SEMA3A: variants seen among roughly 807,000 people sequenced by gnomAD.
The protein encoded by SEMA3A is semaphorin 3A.
A neutral mutation model predicts 97.9 loss-of-function variants in SEMA3A; 29 were observed. The observed-to-expected ratio is 0.30, with a 90% CI of 0.22 to 0.40. The LOEUF is 0.40. Among genes scored for constraint, SEMA3A ranks in the 10% least tolerant of loss-of-function variants. The pLI is 1.00. For synonymous variants in SEMA3A, 321 were observed against 323.7 expected (o/e 0.99, Z 0.09); for missense variants, 763 against 951.3 (o/e 0.80, Z 2.60).
intron 3 of SEMA3A, among the ~76,000 whole-genome samples, chr7:84,232,053 T>C (rs1799127780): frequency 6.6e-6 from 1 of 151,388 alleles, no homozygotes; most frequent in African/African-American, 2.4e-5. Context: ...TGTGTGTGTG[T>C]TCATATATAT....
intron 1 of SEMA3A, among the ~76,000 whole-genome samples, chr7:84,192,710 A>G (rs567598989): frequency 6.6e-6 from 1 of 152,078 alleles, no homozygotes; most frequent in East Asian, 1.9e-4. Flanking sequence ...TTCTTGCAAA[A>G]TAAAAAAGTT....
At chr7:84,360,925 C>A (rs1052248011) in intron 2 of SEMA3A, among the ~76,000 whole-genome samples, 3 of 151,864 alleles carry the variant, frequency 2.0e-5, no homozygotes, top group Non-Finnish European at 4.4e-5. Flanking sequence ...AAACAACACT[C>A]TACAAATCTA....
intron 1 of SEMA3A, among the ~76,000 whole-genome samples, chr7:84,405,708 G>T (rs556743231): frequency 4.5e-4 from 69 of 152,284 alleles, no homozygotes; most frequent in Admixed American, 3.1e-3. Flanking sequence ...TCAGACCACA[G>T]TGCAATCAAA....
In SEMA3A at chr7:84,453,361, C is replaced by G. The variant is rs1431291043; in HGVS notation, c.-246+39099G>C. Among the ~76,000 whole-genome samples, 5 of 151,674 alleles carry G rather than the reference C, an allele frequency of 3.3e-5. No homozygotes were observed. The East Asian group carries it at 9.7e-4, about 30-fold the overall frequency. Reference sequence around the variant, plus strand: ...ACGCCATTCTCCTGCCTCAGCCTCCCGAGTAGCTGGGACTACAGGCGCCCG... The same window carrying G: ...ACGCCATTCTCCTGCCTCAGCCTCCGGAGTAGCTGGGACTACAGGCGCCCG... On this transcript the variant is annotated intron_variant, in intron 1 of 3. Transcript: ENST00000424555.
At chr7:84,016,053 A>G (rs2116426203) in intron 6 of SEMA3A, among the ~76,000 whole-genome samples, 1 of 152,182 alleles carries the variant, frequency 6.6e-6, no homozygotes, top group East Asian at 1.9e-4. Flanking sequence ...CTACTTGTTC[A>G]CATTCATATA....
chr7:84,031,676 A>G (rs1380978079), intron 6 of SEMA3A, among the ~76,000 whole-genome samples: 1 of 152,008 alleles, frequency 6.6e-6, no homozygotes, highest in Admixed American at 6.5e-5. Context: ...TCTACTAAAA[A>G]TACAAAAAAA....
At chr7:84,328,057 C>T (rs1177589522) in intron 2 of SEMA3A, among the ~76,000 whole-genome samples, 1 of 151,962 alleles carries the variant, frequency 6.6e-6, no homozygotes, top group Non-Finnish European at 1.5e-5. Context: ...TTTATAAGTG[C>T]TTCCATTTAC....
intron 1 of SEMA3A, among the ~76,000 whole-genome samples, chr7:84,439,620 G>T (rs950556409): frequency 5.3e-5 from 8 of 152,266 alleles, no homozygotes; most frequent in African/African-American, 1.4e-4. Context: ...ACTGTCAAAG[G>T]TTAGCCACCC....
At chr7:84,209,988 T>A (rs565617798) in intron 3 of SEMA3A, among the ~76,000 whole-genome samples, 1 of 152,158 alleles carries the variant, frequency 6.6e-6, no homozygotes, top group Non-Finnish European at 1.5e-5. Context: ...CCTAAGGGGA[T>A]CATTAGAGAC....
At chr7:84,352,909 G>T (rs1802469603) in intron 2 of SEMA3A, among the ~76,000 whole-genome samples, 1 of 151,726 alleles carries the variant, frequency 6.6e-6, no homozygotes, top group Non-Finnish European at 1.5e-5. Flanking sequence ...GTATGAATAA[G>T]AATCTTTGGA....
At position 84,194,651 on chromosome 7, in the gene SEMA3A, G is replaced by A; in HGVS notation, c.-65C>T. On this transcript the variant is annotated 5_prime_UTR_variant, in exon 1 of 17. Transcript: ENST00000265362. The stretch of plus-strand genomic sequence containing the variant: ...CTTCCTGTATTGTGCGGCCAGAGAA[G>A]TTCAAACAATCTGGAAACTGGAGGT... The A allele has an allele frequency of 3.9e-6, 4 of 1,019,226 alleles. No homozygotes were observed. Among genetic ancestry groups the A allele is most frequent in the Non-Finnish European group, 6.1e-6 (4 of 655,322 alleles). 63.1% of individuals were successfully genotyped at this position (1,019,226 alleles called of 1,614,324 possible).
At chr7:84,380,668 A>T (rs1339072639) in intron 1 of SEMA3A, among the ~76,000 whole-genome samples, 1 of 152,232 alleles carries the variant, frequency 6.6e-6, no homozygotes, top group African/African-American at 2.4e-5. Context: ...ATTATATTAC[A>T]GTTCTATAGG....
At chr7:84,250,113 G>A (rs944600376) in intron 3 of SEMA3A, among the ~76,000 whole-genome samples, 1 of 151,280 alleles carries the variant, frequency 6.6e-6, no homozygotes, top group African/African-American at 2.4e-5. Flanking sequence ...TACTTGCTGG[G>A]GATATATAAA....
intron 4 of SEMA3A, among the ~76,000 whole-genome samples, chr7:84,080,013 C>T (rs1794095158): frequency 6.9e-6 from 1 of 145,420 alleles, no homozygotes; most frequent in Admixed American, 6.8e-5. Context: ...CCATGGAATA[C>T]TATGCAGCCA....
chr7:84,420,447 G>C (rs779995667), intron 1 of SEMA3A, among the ~76,000 whole-genome samples: 1 of 151,912 alleles, frequency 6.6e-6, no homozygotes, highest in Admixed American at 6.6e-5. Context: ...TAGGAGATTT[G>C]AAAAGTCAGA....
intron 3 of SEMA3A, among the ~76,000 whole-genome samples, chr7:84,238,533 T>C (rs912188343): frequency 1.3e-5 from 2 of 152,164 alleles, no homozygotes; most frequent in African/African-American, 4.8e-5. Context: ...ATGAATAAAT[T>C]ACTGATAATC....
chr7:84,232,282 A>AAT (rs1799133725), intron 3 of SEMA3A, among the ~76,000 whole-genome samples: 4 of 148,012 alleles, frequency 2.7e-5, no homozygotes, highest in South Asian at 4.2e-4. Context: ...TTATTATATA[A>AAT]ATATATATAT....
intron 2 of SEMA3A, among the ~76,000 whole-genome samples, chr7:84,360,332 G>A (rs1342667829): frequency 6.6e-6 from 1 of 151,952 alleles, no homozygotes; most frequent in African/African-American, 2.4e-5. Context: ...CAGAGATTCT[G>A]CTATGTTGTG....
rs1447482010 is a variant in SEMA3A, at chr7:84,121,887, C to G, written c.333+7236G>C. On this transcript the variant is annotated intron_variant, in intron 3 of 16. Coordinates refer to ENST00000265362, the MANE Select transcript of SEMA3A (RefSeq NM_006080.3). ...ATCTCTTGACCTCGTGATCCGCCCG[C>G]CTCGGCCTCCCAAAGTGCTGGGATT... Among the ~76,000 whole-genome samples, 2 of 48,650 alleles carry G rather than the reference C, an allele frequency of 4.1e-5. 1 individual carries two copies. The highest frequency in any genetic ancestry group is 1.6e-4 in the African/African-American group (2 of 12,894). The allele number at this position is 48,650 out of a possible 152,430, so 31.9% of individuals were successfully genotyped here.
Sources: allele counts gnomAD v4.1 joint callset (sites outside exome capture counted in the v4.1 genomes callset), GRCh38; gene constraint gnomAD v4.1.1; transcripts MANE v1.5; gene names NCBI Gene and HGNC (gene_info 2026-07-23, HGNC 2026-07-21).